The following KLRG1 variants were observed in gnomAD, a reference collection of about 807,000 sequenced individuals.
The protein encoded by KLRG1 is killer cell lectin like receptor G1, also known as killer cell lectin-like receptor subfamily G member 1.
Under a neutral mutation model 21.8 loss-of-function variants are expected in KLRG1, and 16 were observed. That is an observed-to-expected ratio of 0.73 (90% CI 0.50 to 1.11). The LOEUF (loss-of-function observed/expected upper bound fraction) is 1.11, where lower values mean the gene tolerates loss of function less well. KLRG1 is among the 50% of genes most tolerant of loss of function. The pLI, the probability that KLRG1 is intolerant of heterozygous loss-of-function variation, is 0.00. For synonymous variants in KLRG1, 69 were observed against 75.9 expected, an observed-to-expected ratio of 0.91 and a Z score of 0.47; for missense variants, 173 against 218.3, an observed-to-expected ratio of 0.79 and a Z score of 1.31.
chr12:8,992,177 A>C, intron 1 of KLRG1, 29 bp from the exon 2 acceptor site: 7 of 1,557,098 alleles, frequency 4.5e-6, no homozygotes, highest in African/African-American at 1.4e-5. Context: ...CATCTGACTC[A>C]GGATTGTGCT....
chr12:9,083,009 G>A, the KLRG1 span, among the ~76,000 whole-genome samples: 7 of 152,188 alleles, frequency 4.6e-5, no homozygotes, highest in East Asian at 1.2e-3. Context: ...CTTCCACAGT[G>A]GTTGAACTAG....
At chr12:9,169,826 G>A in the KLRG1 span, 1 of 364,152 alleles carries the variant, frequency 2.7e-6, no homozygotes, top group Non-Finnish European at 4.8e-6. Flanking sequence ...AAGTTATGAA[G>A]GATTAATTAA....
upstream of KLRG1, chr12:8,989,434 A>G (rs1946902816): frequency 4.0e-6 from 2 of 501,128 alleles, no homozygotes; most frequent in Non-Finnish European, 7.0e-6. Context: ...CTACAGTGTC[A>G]TGGGGCAAAA....
the KLRG1 span, among the ~76,000 whole-genome samples, chr12:9,185,819 T>TTTTCTTTTCTTTTCTTTTCTTTTCTTTTC: frequency 2.8e-4 from 8 of 28,654 alleles, no homozygotes; most frequent in Admixed American, 9.5e-4. Context: ...CTTTTCTTTT[T>TTTTCTTTTCTTTTCTTTTCTTTTCTTTTC]TTTTTTCTTG....
At chr12:9,029,815 G>GGCAT in the KLRG1 span, among the ~76,000 whole-genome samples, 1 of 152,132 alleles carries the variant, frequency 6.6e-6, no homozygotes, top group Non-Finnish European at 1.5e-5. Context: ...GGAGCGCAAT[G>GGCAT]GCATGATCTC....
the KLRG1 span, chr12:9,163,781 T>A: frequency 6.2e-7 from 1 of 1,611,886 alleles, no homozygotes. Flanking sequence ...ACTGAGAAGT[T>A]CACATTCCCT....
chr12:9,185,300 A>G, the KLRG1 span, among the ~76,000 whole-genome samples: 9 of 152,372 alleles, frequency 5.9e-5, no homozygotes, highest in African/African-American at 1.9e-4. Context: ...AAGTATTAAC[A>G]GCAGAACAGA....
chr12:9,169,819 T>A, the KLRG1 span: 4 of 380,372 alleles, frequency 1.1e-5, no homozygotes, highest in South Asian at 2.9e-4. Flanking sequence ...AAATCTTAAG[T>A]TATGAAGGAT....
chr12:9,022,646 C>G, the KLRG1 span, among the ~76,000 whole-genome samples: 1 of 152,098 alleles, frequency 6.6e-6, no homozygotes, highest in African/African-American at 2.4e-5. Context: ...AGCCCCACCC[C>G]TCAACTCCAG....
rs1383102568 is a variant in KLRG1, at chr12:8,995,239, G to A, written c.308G>A (p.Cys103Tyr). The change falls in exon 3 of 5, where the codon TGC becomes TAC. Residue 103 changes from cysteine to tyrosine, a missense_variant. By Grantham distance (194) the Cys-to-Tyr change is radical. This residue lies in a region of KLRG1 where 144 missense variants were observed against 161.5 expected (regional missense o/e 0.89). Transcript: ENST00000356986. ...GACTGGAATTCTAGTCTGGAATTCT[G>A]CCTAGCCAGAGACTCACACCTCCTT... ...EKDWNSSLEF[C>Y]LARDSHLLVI... 6.2e-7 allele frequency: 1 copy of A among 1,613,728 alleles called. No individual in the cohort carries two copies. The highest frequency in any genetic ancestry group is 2.2e-5 in the East Asian group (1 of 44,860).
chr12:9,125,032 T>C, the KLRG1 span, among the ~76,000 whole-genome samples: 90 of 152,188 alleles, frequency 5.9e-4, no homozygotes, highest in Admixed American at 9.8e-4. Context: ...AGAGAGAAGC[T>C]GCCCTCTCTG....
At position 9,009,773 on chromosome 12, in the gene KLRG1, AATAG is replaced by A; in HGVS notation, c.*239_*242del. On this transcript the variant is annotated 3_prime_UTR_variant, in exon 5 of 5. Transcript: ENST00000356986. Reference sequence around the variant, plus strand: ...AAGACCAGATCTAAGCAAATTTTGAAATAGATGTTTGTTTTTTGTATTTCTCAGT... The same window carrying A: ...AAGACCAGATCTAAGCAAATTTTGAAATGTTTGTTTTTTGTATTTCTCAGT... 1.4e-6 allele frequency: 2 copies of A among 1,415,064 alleles called. No individual in the cohort carries two copies. Among genetic ancestry groups the A allele is most frequent in the Non-Finnish European group, 1.8e-6 (2 of 1,090,908 alleles). The allele number at this position is 1,415,064 out of a possible 1,614,324, so 87.7% of individuals were successfully genotyped here.
chr12:9,051,731 A>G, the KLRG1 span, among the ~76,000 whole-genome samples: 1 of 152,214 alleles, frequency 6.6e-6, no homozygotes, highest in South Asian at 2.1e-4. Flanking sequence ...AATGAGTCTC[A>G]ACTGATTTCT....
intron 1 of KLRG1, chr12:8,970,357 G>A (rs1488557340): frequency 6.6e-6 from 1 of 152,190 alleles, no homozygotes; most frequent in Admixed American, 6.5e-5. Context: ...TACAGAAAAC[G>A]TTTGCTGATC....
chr12:8,980,238 G>GT (rs1242241725), intron 1 of KLRG1, among the ~76,000 whole-genome samples: 1 of 151,406 alleles, frequency 6.6e-6, no homozygotes, highest in Non-Finnish European at 1.5e-5. Flanking sequence ...TTGTTTTTTT[G>GT]TTTTTTAATG....
chr12:9,045,584 A>T, the KLRG1 span, among the ~76,000 whole-genome samples: 1 of 152,252 alleles, frequency 6.6e-6, no homozygotes, highest in Non-Finnish European at 1.5e-5. Context: ...GGAAATTTAA[A>T]ATAATGATTA....
the KLRG1 span, among the ~76,000 whole-genome samples, chr12:9,136,885 T>TGTTGA: frequency 6.6e-6 from 1 of 152,218 alleles, no homozygotes; most frequent in Non-Finnish European, 1.5e-5. Context: ...GTTTTTTTGC[T>TGTTGA]GTTGAGTTGA....
chr12:9,066,549 TC>T, the KLRG1 span: 1 of 152,336 alleles, frequency 6.6e-6, no homozygotes, highest in Admixed American at 6.5e-5. Context: ...CTCCCTTGGA[TC>T]CGGGATCCAG....
At chr12:9,029,128 G>A in the KLRG1 span, 10 of 361,110 alleles carry the variant, frequency 2.8e-5, no homozygotes, top group South Asian at 2.6e-4. Flanking sequence ...ATGCTTCCTC[G>A]GTGGTGTCCA....
Sources: gnomAD v4.1 joint callset for allele counts (sites outside exome capture counted in the v4.1 genomes callset) on GRCh38, gnomAD v4.1.1 for gene constraint, gnomAD v4.1.1 regional missense constraint, MANE v1.5 for transcripts, NCBI Gene and HGNC (gene_info 2026-07-23, HGNC 2026-07-21) for gene names.